GOLGA6L9: variants seen among roughly 807,000 people sequenced by gnomAD.
GOLGA6L9 encodes golgin subfamily A member 6-like protein 9.
A neutral mutation model predicts 51.3 loss-of-function variants in GOLGA6L9; 19 were observed. The ratio of observed to expected loss-of-function variants is 0.37; its 90% CI spans 0.26 to 0.54. GOLGA6L9 has a LOEUF of 0.54. Ranked by LOEUF, GOLGA6L9 falls within the 20% of genes least tolerant of loss-of-function variation. The pLI is 0.83. For synonymous variants in GOLGA6L9, 97 were observed against 184.2 expected (o/e 0.53, Z 3.83); for missense variants, 247 against 464.1 (o/e 0.53, Z 4.30).
Position 82,438,738 on chromosome 15 carries a change from ACAAT to A in GOLGA6L9, c.*2330_*2333del, listed in dbSNP as rs1232459646. On this transcript the variant is annotated 3_prime_UTR_variant, in exon 9 of 9. Transcript: ENST00000618348. ...CTGGTAGGTTTTCCCAAAATGAAAA[ACAAT>A]CAGTTCTAAAACCAAAGCTGATTTT... 11 of 118,516 alleles carry A rather than the reference ACAAT, an allele frequency of 9.3e-5. No homozygotes were observed. Among genetic ancestry groups the A allele is most frequent in the Non-Finnish European group, 6.9e-5 (4 of 57,662 alleles). 7.3% of individuals were successfully genotyped at this position (118,516 alleles called of 1,614,324 possible).
the GOLGA6L9 span, among the ~76,000 whole-genome samples, chr15:82,417,414 C>A: frequency 6.6e-6 from 1 of 152,150 alleles, no homozygotes; most frequent in Admixed American, 6.5e-5. Context: ...TAGAGTCGAC[C>A]ACTTTTAGGT....
upstream of GOLGA6L9, among the ~76,000 whole-genome samples, chr15:82,429,544 G>C (rs1173822876): frequency 6.6e-6 from 1 of 152,120 alleles, no homozygotes; most frequent in African/African-American, 2.4e-5. Flanking sequence ...TAATCATCAA[G>C]AATGCTATGG....
chr15:82,418,679 A>T, the GOLGA6L9 span: 1 of 152,226 alleles, frequency 6.6e-6, no homozygotes, highest in Non-Finnish European at 1.5e-5. Flanking sequence ...CCTAGAAAGG[A>T]CTTGAGGAGT....
the GOLGA6L9 span, among the ~76,000 whole-genome samples, chr15:82,416,923 G>A: frequency 6.6e-6 from 1 of 152,026 alleles, no homozygotes; most frequent in Non-Finnish European, 1.5e-5. Context: ...TCAGAGTTAT[G>A]CAGCCATTAC....
Position 82,432,574 on chromosome 15 carries a change from A to T in GOLGA6L9, c.207A>T (p.Ser69=), listed in dbSNP as rs1421599070. The T allele has an allele frequency of 6.2e-7, 1 of 1,603,300 alleles. No individual in the cohort carries two copies. Among genetic ancestry groups the T allele is most frequent in the African/African-American group, 1.3e-5 (1 of 74,780 alleles). ...TSGGYHSPGD[S]ATGIYGEGRA... is the part of the protein sequence containing the mutation. ...ATGTGCACTCTCATCTCTTGGAGTC[A>T]GCAACAGGTATCTACGGGGAGGGCC... The change falls in exon 3 of 9, where the codon TCA becomes TCT. Residue 69 remains serine (S), a splice_region_variant and synonymous_variant. Coordinates refer to ENST00000618348, the MANE Select transcript of GOLGA6L9 (RefSeq NM_198181.4).
At chr15:82,427,275 CT>C (rs2031225302), upstream of GOLGA6L9, among the ~76,000 whole-genome samples, 1 of 143,982 alleles carries the variant, frequency 6.9e-6, no homozygotes, top group Non-Finnish European at 1.5e-5. Context: ...GCTTTCCATT[CT>C]TACTTTCTTT....
At position 82,437,093 on chromosome 15, in the gene GOLGA6L9, C is replaced by T. The variant is rs1175763764; in HGVS notation, c.*682C>T. On this transcript the variant is annotated 3_prime_UTR_variant, in exon 9 of 9. Transcript: ENST00000618348. ...AGTGGCCTGCTTTGGCAGGTGTGTG[C>T]AGGATAGAATATGTTTCATTTGTTC... is the stretch of plus-strand genomic sequence containing the variant. 5 of 147,892 alleles carry T rather than the reference C, an allele frequency of 3.4e-5. No homozygotes were observed. Among genetic ancestry groups the T allele is most frequent in the Non-Finnish European group, 7.4e-5 (5 of 67,334 alleles). 9.2% of individuals were successfully genotyped at this position (147,892 alleles called of 1,614,324 possible). A position where few individuals can be genotyped will look rare whatever the true frequency, so the allele number is the denominator to read the frequency against.
rs1382295156 is a variant in GOLGA6L9, at chr15:82,437,964, A to C, written c.*1553A>C. The C allele has an allele frequency of 6.6e-6, 1 of 151,128 alleles. No individual in the cohort carries two copies. Among genetic ancestry groups the C allele is most frequent in the Non-Finnish European group, 1.5e-5 (1 of 67,790 alleles). The allele number at this position is 151,128 out of a possible 1,614,324, so 9.4% of individuals were successfully genotyped here. A position where few individuals can be genotyped will look rare whatever the true frequency, so the allele number is the denominator to read the frequency against. On this transcript the variant is annotated 3_prime_UTR_variant, in exon 9 of 9. Transcript: ENST00000618348. ...TATTTTGTGTAATATTTATGGCTTAAAATGGACTAAAGGTCCTGTTCTTGC... is the reference window on the plus strand; with the variant it reads ...TATTTTGTGTAATATTTATGGCTTACAATGGACTAAAGGTCCTGTTCTTGC...
rs1173617417 is a variant in GOLGA6L9 at position 82,434,522 on chromosome 15, G to A, written c.922G>A (p.Glu308Lys). Residue 308 changes from glutamate (E) to lysine (K), a missense_variant, in exon 6 of 9, where the codon GAG becomes AAG. Glu to Lys is a moderately conservative substitution (Grantham distance 56, BLOSUM62 1). Around this residue, in one of 9 missense-constraint regions of GOLGA6L9, gnomAD observed 35 missense variants for 86.2 expected, o/e 0.41. Transcript: ENST00000618348. ...TCTGCGGGAGCTGGAGAGGCTGCGG[G>A]AGCTGGAGAGGATGCTGGAGCTGGG... is the stretch of plus-strand genomic sequence containing the variant. ...ETLRELERLR[E>K]LERMLELGWE... 55 of 1,568,252 alleles carry A rather than the reference G, an allele frequency of 3.5e-5. 1 individual carries two copies. In the African/African-American group the frequency reaches 7.3e-4, roughly 21 times the overall value.
At chr15:82,416,948 A>G in the GOLGA6L9 span, among the ~76,000 whole-genome samples, 1 of 152,190 alleles carries the variant, frequency 6.6e-6, no homozygotes, top group African/African-American at 2.4e-5. Flanking sequence ...ACCTAATTTC[A>G]GAACCTTTTC....
chr15:82,424,263 G>C, the GOLGA6L9 span, among the ~76,000 whole-genome samples: 1 of 151,602 alleles, frequency 6.6e-6, no homozygotes, highest in African/African-American at 2.4e-5. Flanking sequence ...GTAAAGACGA[G>C]GTTTCACCAT....
In GOLGA6L9 at chr15:82,436,382, A is replaced by G. The variant is rs1317412735; in HGVS notation, c.1270A>G (p.Asn424Asp). ...ATGCCATTCTTTTCGGGCTGCCGAGAACAGGGAGCTAAACATCACCATCAT... is the reference window on the plus strand; with the variant it reads ...ATGCCATTCTTTTCGGGCTGCCGAGGACAGGGAGCTAAACATCACCATCAT... ...AACHSFRAAE[N>D]RELNITII The change falls in exon 9 of 9, where the codon AAC becomes GAC. Residue 424 changes from asparagine (N) to aspartate (D), a missense_variant. Asn to Asp is a conservative substitution (Grantham distance 23). Coordinates refer to ENST00000618348, the MANE Select transcript of GOLGA6L9 (RefSeq NM_198181.4). 4 of 1,596,594 alleles carry G rather than the reference A, an allele frequency of 2.5e-6. No homozygotes were observed. Among genetic ancestry groups the G allele is most frequent in the East Asian group, 2.2e-5 (1 of 44,504 alleles).
chr15:82,432,602 G>A lies in GOLGA6L9; in HGVS notation c.235G>A (p.Ala79Thr). The A allele has an allele frequency of 6.2e-7, 1 of 1,604,380 alleles. No individual in the cohort carries two copies. The highest frequency in any genetic ancestry group is 8.5e-7 in the Non-Finnish European group (1 of 1,179,668). The part of the protein sequence containing the change: ...SATGIYGEGR[A>T]SSTTLQDLES... The stretch of plus-strand genomic sequence containing the variant: ...AACAGGTATCTACGGGGAGGGCCGT[G>A]CATCCTCTACTACCCTGCAGGATCT... The change falls in exon 3 of 9, where the codon GCA becomes ACA. Residue 79 changes from alanine to threonine, a missense_variant. Physicochemically the swap from Ala to Thr is moderately conservative, Grantham distance 58 (BLOSUM62 0). This residue lies in a region of GOLGA6L9 where 74 missense variants were observed against 91.2 expected (regional missense o/e 0.81). Transcript: ENST00000618348.
In GOLGA6L9 at chr15:82,437,009, G is replaced by A. The variant is rs1168998002; in HGVS notation, c.*598G>A. 2 of 156,484 alleles carry A rather than the reference G, an allele frequency of 1.3e-5. No homozygotes were observed. The highest frequency in any genetic ancestry group is 6.3e-5 in the Admixed American group (1 of 15,828). 9.7% of individuals were successfully genotyped at this position (156,484 alleles called of 1,614,324 possible). ...AAACAGCCTTTCCCCCTTTTTCTGT[G>A]TATTGGGGATGGGAGTAATAACATT... On this transcript the variant is annotated 3_prime_UTR_variant, in exon 9 of 9. Transcript: ENST00000618348.
the GOLGA6L9 span, among the ~76,000 whole-genome samples, chr15:82,421,803 C>CAAA: frequency 3.4e-4 from 1 of 2,952 alleles, no homozygotes; most frequent in Admixed American, 6.6e-3. Context: ...CCAACACCAC[C>CAAA]AAAAAAAAAA....
Position 82,436,456 on chromosome 15 carries a change from G to C in GOLGA6L9, c.*45G>C. On this transcript the variant is annotated 3_prime_UTR_variant, in exon 9 of 9. Coordinates refer to ENST00000618348, the MANE Select transcript of GOLGA6L9 (RefSeq NM_198181.4). ...AAAAAAAAAACAAAACATTTAAGGGGTTAATATCCTACACAATTCATTTAC... is the reference window on the plus strand; with the variant it reads ...AAAAAAAAAACAAAACATTTAAGGGCTTAATATCCTACACAATTCATTTAC... 6.5e-7 allele frequency: 1 copy of C among 1,527,758 alleles called. No homozygotes were observed. The highest frequency in any genetic ancestry group is 1.7e-5 in the Admixed American group (1 of 58,916). 94.6% of individuals were successfully genotyped at this position (1,527,758 alleles called of 1,614,324 possible).
At chr15:82,420,371 T>C in the GOLGA6L9 span, among the ~76,000 whole-genome samples, 1 of 151,814 alleles carries the variant, frequency 6.6e-6, no homozygotes, top group Non-Finnish European at 1.5e-5. Flanking sequence ...GTAAAAGTTA[T>C]ATGTACTTTG....
rs62011764 is a variant in GOLGA6L9, at chr15:82,436,630, T to G, written c.*219T>G. The G allele has an allele frequency of 0.26, 110,801 of 429,306 alleles. 19,379 individuals are homozygous for G. Among genetic ancestry groups the G allele is most frequent in the East Asian group, 0.55 (10,157 of 18,502 alleles). The allele number at this position is 429,306 out of a possible 1,614,324, so 26.6% of individuals were successfully genotyped here. A position where few individuals can be genotyped will look rare whatever the true frequency, so the allele number is the denominator to read the frequency against. On this transcript the variant is annotated 3_prime_UTR_variant, in exon 9 of 9. Coordinates refer to ENST00000618348, the MANE Select transcript of GOLGA6L9 (RefSeq NM_198181.4). ...TCTAATTTATAGTTTAAATTTATTT[T>G]TGTTTCTAATTTATAATTTAAATTT...
chr15:82,429,819 C>T lies in GOLGA6L9; in HGVS notation c.-261C>T, dbSNP rs1175032591. On this transcript the variant is annotated 5_prime_UTR_variant, in exon 1 of 9. Coordinates refer to ENST00000618348, the MANE Select transcript of GOLGA6L9 (RefSeq NM_198181.4). ...TCCCCTCTCCCAGAGTGGGCGGCCT[C>T]TCCCCTCTCTCTGAGTGGGCGGGGA... Among the ~76,000 whole-genome samples, 4 of 152,260 alleles carry T rather than the reference C, an allele frequency of 2.6e-5. 1 individual carries two copies. Among genetic ancestry groups the T allele is most frequent in the African/African-American group, 9.6e-5 (4 of 41,534 alleles).
Sources: gnomAD v4.1 joint callset for allele counts (sites outside exome capture counted in the v4.1 genomes callset) on GRCh38, gnomAD v4.1.1 for gene constraint, gnomAD v4.1.1 regional missense constraint, MANE v1.5 for transcripts, NCBI Gene and HGNC (gene_info 2026-07-23, HGNC 2026-07-21) for gene names.